Variants in TNNI3K observed in about 807,000 individuals in gnomAD.
TNNI3K encodes the protein serine/threonine-protein kinase TNNI3K.
Under a neutral mutation model 114.5 loss-of-function variants are expected in TNNI3K, and 140 were observed. The observed-to-expected ratio is 1.22, with a 90% CI of 1.07 to 1.41. The LOEUF (loss-of-function observed/expected upper bound fraction) is 1.41. TNNI3K is among the 40% of genes most tolerant of loss of function. The pLI is 0.00. For synonymous variants in TNNI3K, 347 were observed against 347.5 expected (o/e 1.00, Z 0.02); for missense variants, 1,125 against 1,007.6 (o/e 1.12, Z -1.58).
At chr1:74,339,656 G>C (rs1660653437) in intron 7 of TNNI3K, among the ~76,000 whole-genome samples, 1 of 151,986 alleles carries the variant, frequency 6.6e-6, no homozygotes, top group Non-Finnish European at 1.5e-5. Context: ...AGCCTCTTTG[G>C]TTCAGCATGT....
chr1:74,486,285 T>C (rs1406744669), intron 21 of TNNI3K, among the ~76,000 whole-genome samples: 1 of 151,376 alleles, frequency 6.6e-6, no homozygotes, highest in Non-Finnish European at 1.5e-5. Flanking sequence ...CCCTCCAGGA[T>C]CTACTTGCTT....
Position 74,531,732 on chromosome 1 carries a change from A to G in TNNI3K, c.2352-8502A>G, listed in dbSNP as rs75699094. On this transcript the variant is annotated intron_variant, in intron 23 of 24. Transcript: ENST00000326637. ...CAAATAACTGAAATTCTGTTTAAGT[A>G]TTATTGTATGTGTTTCCTTTTGAGT... is the stretch of plus-strand genomic sequence containing the variant. 1.7e-3 allele frequency among the ~76,000 whole-genome samples: 252 copies of G among 152,280 alleles called. 6 individuals are homozygous for G. The East Asian group carries it at 0.042, about 25-fold the overall frequency.
At chr1:74,321,282 T>C (rs544736448) in intron 5 of TNNI3K, among the ~76,000 whole-genome samples, 1 of 152,238 alleles carries the variant, frequency 6.6e-6, no homozygotes, top group African/African-American at 2.4e-5. Context: ...AAAATCTGCC[T>C]TTCTTTTCTT....
chr1:74,244,921 GA>G (rs1367507956), intron 2 of TNNI3K, among the ~76,000 whole-genome samples: 3 of 151,842 alleles, frequency 2.0e-5, no homozygotes, highest in African/African-American at 7.3e-5. Flanking sequence ...CTCCACTGTT[GA>G]AAATGTAGTA....
At chr1:74,472,726 A>G (rs1180073702) in intron 21 of TNNI3K, among the ~76,000 whole-genome samples, 3 of 152,160 alleles carry the variant, frequency 2.0e-5, no homozygotes, top group African/African-American at 7.2e-5. Context: ...ATTTCCCATA[A>G]CTTAATAAAA....
chr1:74,247,158 C>T (rs757292835), intron 2 of TNNI3K, among the ~76,000 whole-genome samples: 1 of 152,124 alleles, frequency 6.6e-6, no homozygotes, highest in South Asian at 2.1e-4. Context: ...GGGGTTTGTT[C>T]CTTCTGATGT....
chr1:74,248,809 A>G (rs149597697), intron 2 of TNNI3K, among the ~76,000 whole-genome samples: 46 of 152,150 alleles, frequency 3.0e-4, no homozygotes, highest in African/African-American at 9.2e-4. Flanking sequence ...GAACTTACAG[A>G]GTTATTCCTG....
chr1:74,420,411 A>G (rs1665339384), intron 17 of TNNI3K, among the ~76,000 whole-genome samples: 1 of 152,146 alleles, frequency 6.6e-6, no homozygotes, highest in Non-Finnish European at 1.5e-5. Context: ...GCTCCCATGC[A>G]GTGTCTTCCT....
At chr1:74,246,060 A>AG (rs1654532748) in intron 2 of TNNI3K, among the ~76,000 whole-genome samples, 1 of 152,238 alleles carries the variant, frequency 6.6e-6, no homozygotes, top group Non-Finnish European at 1.5e-5. Context: ...AATTTCCCTC[A>AG]GCTCAAAAAA....
At chr1:74,347,828 A>G (rs530471614) in intron 9 of TNNI3K, among the ~76,000 whole-genome samples, 207 of 151,956 alleles carry the variant, frequency 1.4e-3, no homozygotes, top group Admixed American at 4.7e-3. Context: ...CATATCCTTC[A>G]CCCACTTTTT....
At chr1:74,416,353 G>T in intron 17 of TNNI3K, 1 of 985,146 alleles carries the variant, frequency 1.0e-6, no homozygotes, top group South Asian at 4.7e-5. Flanking sequence ...TAATGATGGA[G>T]AGTAACGAGC....
At chr1:74,461,097 A>G (rs1036041162) in intron 20 of TNNI3K, among the ~76,000 whole-genome samples, 1 of 152,194 alleles carries the variant, frequency 6.6e-6, no homozygotes, top group African/African-American at 2.4e-5. Flanking sequence ...AAATGATCAT[A>G]AGGTAACAAA....
intron 11 of TNNI3K, among the ~76,000 whole-genome samples, chr1:74,354,507 G>A (rs534219647): frequency 7.3e-5 from 11 of 151,708 alleles, no homozygotes; most frequent in Admixed American, 5.9e-4. Context: ...CAAGGGGGGG[G>A]GAAAGAAATA....
At chr1:74,314,972 G>GA (rs1271552542) in intron 5 of TNNI3K, among the ~76,000 whole-genome samples, 6 of 152,072 alleles carry the variant, frequency 3.9e-5, no homozygotes, top group African/African-American at 1.2e-4. Flanking sequence ...ATTTTATTAT[G>GA]AAAAAAATCA....
chr1:74,326,974 A>G (rs1266147799), intron 5 of TNNI3K, among the ~76,000 whole-genome samples: 2 of 151,618 alleles, frequency 1.3e-5, no homozygotes, highest in African/African-American at 4.8e-5. Context: ...CCAGCTACTC[A>G]GGAGGCTGAG....
intron 24 of TNNI3K, among the ~76,000 whole-genome samples, chr1:74,543,000 C>T (rs1339137949): frequency 6.8e-6 from 1 of 148,112 alleles, no homozygotes; most frequent in Non-Finnish European, 1.5e-5. Context: ...GGAGAAGAAA[C>T]AAACAAAGCC....
chr1:74,263,799 A>G (rs887553456), intron 4 of TNNI3K, among the ~76,000 whole-genome samples: 10 of 152,174 alleles, frequency 6.6e-5, no homozygotes, highest in Admixed American at 2.0e-4. Context: ...TTAAATAAAC[A>G]TAAAAGTTCA....
intron 21 of TNNI3K, chr1:74,480,855 C>T (rs1424359472): frequency 1.4e-6 from 1 of 717,334 alleles, no homozygotes; most frequent in Non-Finnish European, 2.6e-6. Context: ...TCCTCGATAC[C>T]ATTTCTGCTT....
chr1:74,520,175 A>C (rs1646410669), intron 23 of TNNI3K, among the ~76,000 whole-genome samples: 1 of 149,728 alleles, frequency 6.7e-6, no homozygotes, highest in South Asian at 2.1e-4. Context: ...CCCCGATTCC[A>C]CAAAGTCCAT....
Sources: allele counts gnomAD v4.1 joint callset (sites outside exome capture counted in the v4.1 genomes callset), GRCh38; gene constraint gnomAD v4.1.1; transcripts MANE v1.5; gene names NCBI Gene and HGNC (gene_info 2026-07-23, HGNC 2026-07-21).